The following UBE2V2 variants were observed in gnomAD, a reference collection of about 807,000 sequenced individuals.
UBE2V2 encodes the protein ubiquitin-conjugating enzyme E2 variant 2.
A neutral mutation model predicts 17.2 loss-of-function variants in UBE2V2; 9 were observed. The ratio of observed to expected loss-of-function variants is 0.52; its 90% CI spans 0.32 to 0.91. The LOEUF (loss-of-function observed/expected upper bound fraction) is 0.91, where lower values mean the gene tolerates loss of function less well. Among genes scored for constraint, UBE2V2 ranks in the 40% least tolerant of loss-of-function variants. The pLI is 0.04. For missense variants in UBE2V2, 133 were observed against 182.6 expected (o/e 0.73, Z 1.56); for synonymous variants, 61 against 57.5 (o/e 1.06, Z -0.28).
At position 48,043,106 on chromosome 8, in the gene UBE2V2, A is replaced by C; in HGVS notation, c.90A>C (p.Thr30=). 6.2e-7 allele frequency: 1 copy of C among 1,601,868 alleles called. No homozygotes were observed. Among genetic ancestry groups the C allele is most frequent in the Admixed American group, 1.7e-5 (1 of 59,378 alleles). ...GACAAAAAGGAGTAGGCGACGGTACAGTTAGCTGGGGCCTTGAAGATGATG... is the reference window on the plus strand; with the variant it reads ...GACAAAAAGGAGTAGGCGACGGTACCGTTAGCTGGGGCCTTGAAGATGATG... ...EEGQKGVGDG[T]VSWGLEDDED... Residue 30 remains threonine (T), a synonymous_variant, in exon 2 of 4, where the codon ACA becomes ACC. Transcript: ENST00000523111.
At chr8:48,023,782 G>A (rs1311283220) in intron 1 of UBE2V2, among the ~76,000 whole-genome samples, 36 of 151,986 alleles carry the variant, frequency 2.4e-4, no homozygotes, top group African/African-American at 8.2e-4. Context: ...AGGCTGAGGT[G>A]GGAGAATCAC....
intron 1 of UBE2V2, among the ~76,000 whole-genome samples, chr8:48,035,948 CTTTTTTT>C (rs780718248): frequency 8.2e-6 from 1 of 121,710 alleles, no homozygotes; most frequent in South Asian, 2.8e-4. Context: ...CCTTGCCTTT[CTTTTTTT>C]TTTTTTTTTT....
intron 2 of UBE2V2, among the ~76,000 whole-genome samples, chr8:48,046,129 T>A (rs931947917): frequency 1.6e-4 from 24 of 152,112 alleles, no homozygotes; most frequent in African/African-American, 5.1e-4. Context: ...TATTTTTATT[T>A]TTTTTTTTGA....
chr8:48,018,996 C>T (rs189447645), intron 1 of UBE2V2, among the ~76,000 whole-genome samples: 318 of 150,956 alleles, frequency 2.1e-3, no homozygotes, highest in Admixed American at 4.2e-3. Flanking sequence ...TTTGGGAGGC[C>T]GAGGCGGGCG....
chr8:48,052,615 T>TG (rs1278912290), intron 3 of UBE2V2, among the ~76,000 whole-genome samples: 2 of 152,248 alleles, frequency 1.3e-5, no homozygotes, highest in Admixed American at 1.3e-4. Flanking sequence ...CCTGGACTCT[T>TG]GCAACAACGT....
chr8:48,059,757 G>A (rs1585449717), intron 3 of UBE2V2, among the ~76,000 whole-genome samples: 1 of 152,186 alleles, frequency 6.6e-6, no homozygotes, highest in Non-Finnish European at 1.5e-5. Context: ...CCCAAGGTAG[G>A]AGGTGAGTGA....
Position 48,063,979 on chromosome 8 carries a change from AT to A in UBE2V2, c.*3152del, listed in dbSNP as rs1381516415. 6.6e-6 allele frequency: 1 copy of A among 152,164 alleles called. No homozygotes were observed. Among genetic ancestry groups the A allele is most frequent in the East Asian group, 1.9e-4 (1 of 5,202 alleles). The allele number at this position is 152,164 out of a possible 1,614,324, so 9.4% of individuals were successfully genotyped here. On this transcript the variant is annotated 3_prime_UTR_variant, in exon 4 of 4. Coordinates refer to ENST00000523111, the MANE Select transcript of UBE2V2 (RefSeq NM_003350.3). ...GGGAATTATGAATGCTTTTTTCTTA[AT>A]AGGTTTGGTGTGTGTGGCTTTGAAT...
intron 1 of UBE2V2, among the ~76,000 whole-genome samples, chr8:48,032,810 A>G (rs1293976553): frequency 1.3e-5 from 2 of 152,124 alleles, no homozygotes; most frequent in Non-Finnish European, 2.9e-5. Flanking sequence ...CATTATTGAC[A>G]TTATTAATGT....
chr8:48,029,537 A>G (rs1450565443), intron 1 of UBE2V2, among the ~76,000 whole-genome samples: 1 of 152,196 alleles, frequency 6.6e-6, no homozygotes, highest in Non-Finnish European at 1.5e-5. Flanking sequence ...ATAGCCAGAT[A>G]CCATGCATAC....
intron 1 of UBE2V2, among the ~76,000 whole-genome samples, chr8:48,029,315 T>C (rs2091367384): frequency 6.6e-6 from 1 of 152,064 alleles, no homozygotes; most frequent in Non-Finnish European, 1.5e-5. Context: ...GGCAACAGAG[T>C]AAGACCCTGT....
In UBE2V2 at chr8:48,043,101, G is replaced by A. The variant is rs1239603095; in HGVS notation, c.85G>A (p.Gly29Ser). The stretch of plus-strand genomic sequence containing the variant: ...AGAAGGACAAAAAGGAGTAGGCGAC[G>A]GTACAGTTAGCTGGGGCCTTGAAGA... ...LEEGQKGVGD[G>S]TVSWGLEDDE... The change falls in exon 2 of 4, where the codon GGT becomes AGT. Residue 29 changes from glycine (G) to serine (S), a missense_variant. This residue lies in a region of UBE2V2 where 92 missense variants were observed against 124.3 expected (regional missense o/e 0.74). Transcript: ENST00000523111. The A allele has an allele frequency of 1.9e-6, 3 of 1,598,852 alleles. No homozygotes were observed. The highest frequency in any genetic ancestry group is 1.7e-5 in the Admixed American group (1 of 59,302).
chr8:48,016,958 A>G (rs1386625860), intron 1 of UBE2V2, among the ~76,000 whole-genome samples: 1 of 150,884 alleles, frequency 6.6e-6, no homozygotes, highest in Admixed American at 6.6e-5. Context: ...GCTAATTTTC[A>G]TATTGTTAGT....
intron 2 of UBE2V2, among the ~76,000 whole-genome samples, chr8:48,045,352 A>G (rs1442813261): frequency 1.3e-5 from 2 of 152,242 alleles, no homozygotes; most frequent in Non-Finnish European, 2.9e-5. Flanking sequence ...AAGAGTGGAC[A>G]GTGATGCAAC....
At chr8:48,015,947 G>C (rs932981608) in intron 1 of UBE2V2, among the ~76,000 whole-genome samples, 1 of 149,472 alleles carries the variant, frequency 6.7e-6, no homozygotes, top group Non-Finnish European at 1.5e-5. Context: ...ACCCAGGCTG[G>C]AGTGCAGTGG....
At chr8:48,016,847 C>T (rs544920494) in intron 1 of UBE2V2, among the ~76,000 whole-genome samples, 2 of 139,738 alleles carry the variant, frequency 1.4e-5, no homozygotes, top group Non-Finnish European at 3.0e-5. Flanking sequence ...AGTGCAGTGG[C>T]GAGATGTCAG....
intron 3 of UBE2V2, 155 bp downstream of exon 3, chr8:48,050,133 T>C (rs542594453): frequency 2.0e-6 from 1 of 489,000 alleles, no homozygotes; most frequent in Admixed American, 4.3e-5. Flanking sequence ...TAAAGAAGGT[T>C]GCATTATGTT....
At chr8:48,056,897 G>A (rs765942202) in intron 3 of UBE2V2, among the ~76,000 whole-genome samples, 2 of 151,022 alleles carry the variant, frequency 1.3e-5, no homozygotes, top group Non-Finnish European at 3.0e-5. Context: ...CTAATTTTTT[G>A]TATTTTTAGT....
At chr8:48,043,333 A>G in intron 2 of UBE2V2, 152 bp downstream of exon 2, 1 of 613,964 alleles carries the variant, frequency 1.6e-6, no homozygotes, top group East Asian at 3.3e-5. Context: ...TCCCACGTGC[A>G]GGATATAATG....
Position 48,049,896 on chromosome 8 carries a change from G to A in UBE2V2, c.209G>A (p.Gly70Glu), listed in dbSNP as rs2091524088. 1 of 1,590,422 alleles carries A rather than the reference G, an allele frequency of 6.3e-7. No homozygotes were observed. Among genetic ancestry groups the A allele is most frequent in the Non-Finnish European group, 8.5e-7 (1 of 1,172,550 alleles). ...ATATATAGCCTGAAAGTAGAATGTG[G>A]ACCTAAATACCCAGAAGCTCCTCCG... ...NRIYSLKVEC[G>E]PKYPEAPPSV... The change falls in exon 3 of 4, where the codon GGA (glycine) becomes GAA (glutamate). Residue 70 changes from glycine (G) to glutamate (E), a missense_variant. Gly to Glu is a moderately conservative substitution (Grantham distance 98). Around this residue, in one of 3 missense-constraint regions of UBE2V2, gnomAD observed 92 missense variants for 124.3 expected, o/e 0.74. Transcript: ENST00000523111.
Sources: gnomAD v4.1 joint callset for allele counts (sites outside exome capture counted in the v4.1 genomes callset) on GRCh38, gnomAD v4.1.1 for gene constraint, gnomAD v4.1.1 regional missense constraint, MANE v1.5 for transcripts, NCBI Gene and HGNC (gene_info 2026-07-23, HGNC 2026-07-21) for gene names.